The following PCMTD1 variants were observed in gnomAD, a reference collection of about 807,000 sequenced individuals.
The protein encoded by PCMTD1 is protein-L-isoaspartate O-methyltransferase domain-containing protein 1.
PCMTD1 carries 12 observed loss-of-function variants against 37.6 expected under a neutral mutation model. The ratio of observed to expected loss-of-function variants is 0.32; its 90% CI spans 0.20 to 0.52. PCMTD1 has a LOEUF of 0.52. Ranked by LOEUF, PCMTD1 falls within the 20% of genes least tolerant of loss-of-function variation. The pLI, the probability that PCMTD1 is intolerant of heterozygous loss-of-function variation, is 0.97. For synonymous variants in PCMTD1, 117 were observed against 135.8 expected (o/e 0.86, Z 0.96); for missense variants, 235 against 421.3 (o/e 0.56, Z 3.87).
intron 1 of PCMTD1, among the ~76,000 whole-genome samples, chr8:51,890,633 A>G (rs1338753848): frequency 6.6e-6 from 1 of 152,200 alleles, no homozygotes; most frequent in Non-Finnish European, 1.5e-5. Context: ...TCAGAACAAA[A>G]CCTCTGCACT....
intron 1 of PCMTD1, among the ~76,000 whole-genome samples, chr8:51,888,117 G>GT (rs2038890294): frequency 6.6e-6 from 1 of 152,136 alleles, no homozygotes; most frequent in South Asian, 2.1e-4. Flanking sequence ...GTTTAAAACT[G>GT]TTTAGAGTTC....
chr8:51,830,466 C>T (rs116925121), intron 5 of PCMTD1, among the ~76,000 whole-genome samples: 2,045 of 152,328 alleles, frequency 0.013, 24 homozygotes, highest in Middle Eastern at 0.027. Context: ...CAGCACTCAG[C>T]TAGCCTCAAG....
intron 1 of PCMTD1, among the ~76,000 whole-genome samples, chr8:51,879,722 G>T (rs139597071): frequency 5.0e-4 from 76 of 152,114 alleles, no homozygotes; most frequent in African/African-American, 1.8e-3. Context: ...AAAAGCCACA[G>T]GCAAAACGTA....
At chr8:51,899,170 G>A (rs2039061882), upstream of PCMTD1, 5 of 1,304,202 alleles carry the variant, frequency 3.8e-6, no homozygotes, top group Admixed American at 1.1e-4. Context: ...CAACAAGGCC[G>A]GGAGACGCCC....
intron 2 of PCMTD1, among the ~76,000 whole-genome samples, chr8:51,848,023 G>A (rs1299917725): frequency 1.3e-5 from 2 of 152,136 alleles, no homozygotes; most frequent in African/African-American, 4.8e-5. Context: ...AGAAGCTGCA[G>A]TGAGTTAGTT....
chr8:51,888,293 T>C, intron 1 of PCMTD1, among the ~76,000 whole-genome samples: 1 of 152,166 alleles, frequency 6.6e-6, no homozygotes, highest in East Asian at 1.9e-4. Context: ...GATTCAAAAT[T>C]GTCAATTCAA....
At chr8:51,824,123 T>C (rs1385401010) in intron 5 of PCMTD1, among the ~76,000 whole-genome samples, 1 of 152,156 alleles carries the variant, frequency 6.6e-6, no homozygotes, top group Non-Finnish European at 1.5e-5. Flanking sequence ...AGCATTCCCT[T>C]TGAAAACCAG....
intron 1 of PCMTD1, among the ~76,000 whole-genome samples, chr8:51,862,725 C>T (rs904279129): frequency 6.6e-6 from 1 of 152,190 alleles, no homozygotes; most frequent in African/African-American, 2.4e-5. Context: ...CTAACACAGC[C>T]TATCATATTG....
At position 51,861,253 on chromosome 8, in the gene PCMTD1, G is replaced by A; in HGVS notation, c.-95-7C>T. On this transcript the variant is annotated splice_polypyrimidine_tract_variant and splice_region_variant and intron_variant, in intron 1 of 5. Coordinates refer to ENST00000522514, the MANE Select transcript of PCMTD1 (RefSeq NM_052937.4). ...TTCCAAAAATAAATTAATCCTGGAA[G>A]GGAAGAACAAAAATAAACAGGTTTA... The A allele has an allele frequency of 2.8e-6, 4 of 1,437,960 alleles. No individual in the cohort carries two copies. Among genetic ancestry groups the A allele is most frequent in the Non-Finnish European group, 3.7e-6 (4 of 1,090,478 alleles). 89.1% of individuals were successfully genotyped at this position (1,437,960 alleles called of 1,614,324 possible).
intron 2 of PCMTD1, chr8:51,849,200 A>T (rs915458006): frequency 6.6e-6 from 1 of 152,184 alleles, no homozygotes; most frequent in Admixed American, 6.5e-5. Context: ...AATTTGTTTT[A>T]ACCATTTGCG....
At chr8:51,886,680 TGGGGAGA>T (rs975811051) in intron 1 of PCMTD1, among the ~76,000 whole-genome samples, 8 of 152,210 alleles carry the variant, frequency 5.3e-5, no homozygotes, top group African/African-American at 1.9e-4. Context: ...AATCTTTTGT[TGGGGAGA>T]GGCTGTTTAG....
chr8:51,898,162 C>CCTCTGAT (rs2039035856), intron 1 of PCMTD1, among the ~76,000 whole-genome samples: 2 of 97,286 alleles, frequency 2.1e-5, no homozygotes, highest in African/African-American at 5.2e-5. Context: ...GTAGCAAATT[C>CCTCTGAT]TTCTGATTTG....
intron 2 of PCMTD1, among the ~76,000 whole-genome samples, chr8:51,853,528 T>C (rs1394644977): frequency 1.3e-5 from 2 of 152,164 alleles, no homozygotes; most frequent in Non-Finnish European, 1.5e-5. Flanking sequence ...TTATTTACTG[T>C]ATAATAGTTA....
Position 51,820,447 on chromosome 8 carries a change from T to C in PCMTD1, c.978A>G (p.Pro326=). The C allele has an allele frequency of 1.2e-6, 2 of 1,613,842 alleles. No homozygotes were observed. Among genetic ancestry groups the C allele is most frequent in the Non-Finnish European group, 1.7e-6 (2 of 1,179,886 alleles). The change falls in exon 6 of 6, where the codon CCA becomes CCG. Residue 326 remains proline, a synonymous_variant. Coordinates refer to ENST00000522514, the MANE Select transcript of PCMTD1 (RefSeq NM_052937.4). ...TCAGTAAATTTTGAGGTGGCTCCTC[T>C]GGCTTCATTGCTTCATTGTGATCTT... ...EEKDHNEAMK[P]EEPPQNLLRE...
chr8:51,859,019 A>G (rs1231527455), intron 2 of PCMTD1, among the ~76,000 whole-genome samples: 1 of 152,048 alleles, frequency 6.6e-6, no homozygotes. Flanking sequence ...TAAGAAGGCA[A>G]CCTCACTGCT....
intron 4 of PCMTD1, among the ~76,000 whole-genome samples, chr8:51,832,051 G>A (rs1295238851): frequency 6.6e-6 from 1 of 152,098 alleles, no homozygotes; most frequent in East Asian, 1.9e-4. Context: ...AAAGAGACTA[G>A]GAGTTTTATC....
chr8:51,897,896 A>G (rs553950748), intron 1 of PCMTD1, among the ~76,000 whole-genome samples: 1 of 152,308 alleles, frequency 6.6e-6, no homozygotes, highest in South Asian at 2.1e-4. Flanking sequence ...ACTGTACTAT[A>G]TATGATCCCA....
intron 5 of PCMTD1, chr8:51,827,234 CTTA>C: frequency 8.8e-7 from 1 of 1,137,730 alleles, no homozygotes; most frequent in Non-Finnish European, 1.1e-6. Context: ...TAATTCCTGA[CTTA>C]TTTTTATAAG....
chr8:51,857,816 T>C (rs956110016), intron 2 of PCMTD1, among the ~76,000 whole-genome samples: 1 of 152,136 alleles, frequency 6.6e-6, no homozygotes, highest in African/African-American at 2.4e-5. Flanking sequence ...TGTGCTTTAA[T>C]CCTAAGAAAT....
Sources: gnomAD v4.1 joint callset for allele counts (sites outside exome capture counted in the v4.1 genomes callset) on GRCh38, gnomAD v4.1.1 for gene constraint, MANE v1.5 for transcripts, NCBI Gene and HGNC (gene_info 2026-07-23, HGNC 2026-07-21) for gene names.